RAPGEF5: variants seen among roughly 807,000 people sequenced by gnomAD.
The protein encoded by RAPGEF5 is Rap guanine nucleotide exchange factor 5.
Under a neutral mutation model 125.2 loss-of-function variants are expected in RAPGEF5, and 65 were observed. The observed-to-expected ratio is 0.52, with a 90% CI of 0.43 to 0.64. RAPGEF5 has a LOEUF of 0.64. Among genes scored for constraint, RAPGEF5 ranks in the 30% least tolerant of loss-of-function variants. The pLI is 0.00. For synonymous variants in RAPGEF5, 391 were observed against 385.9 expected, an observed-to-expected ratio of 1.01 and a Z score of -0.16; for missense variants, 958 against 1,048.1, an observed-to-expected ratio of 0.91 and a Z score of 1.19.
chr7:22,293,780 G>A (rs1330471798), intron 5 of RAPGEF5, among the ~76,000 whole-genome samples: 1 of 152,174 alleles, frequency 6.6e-6, no homozygotes, highest in African/African-American at 2.4e-5. Context: ...GCAACAGCGG[G>A]AGAGCCTGAA....
intron 9 of RAPGEF5, among the ~76,000 whole-genome samples, chr7:22,197,050 C>A (rs1785163720): frequency 6.6e-6 from 1 of 152,108 alleles, no homozygotes; most frequent in African/African-American, 2.4e-5. Context: ...AACATGAAGA[C>A]CACTACCAAG....
chr7:22,272,901 C>T lies in RAPGEF5; in HGVS notation c.748-5889G>A, dbSNP rs536841660. Among the ~76,000 whole-genome samples, 30 of 152,162 alleles carry T rather than the reference C, an allele frequency of 2.0e-4. No homozygotes were observed. The East Asian group carries it at 5.2e-3, about 27-fold the overall frequency. On this transcript the variant is annotated intron_variant, in intron 6 of 25. Transcript: ENST00000665637. ...TCTCCTGAGTAGCTGGGACTACAGGCGCCTGCCACCATGCCCAGCTAATTT... is the reference window on the plus strand; with the variant it reads ...TCTCCTGAGTAGCTGGGACTACAGGTGCCTGCCACCATGCCCAGCTAATTT...
At chr7:22,173,239 G>A (rs1274703479) in intron 11 of RAPGEF5, among the ~76,000 whole-genome samples, 2 of 152,130 alleles carry the variant, frequency 1.3e-5, no homozygotes, top group Non-Finnish European at 2.9e-5. Flanking sequence ...TTTTTTTCAT[G>A]TTCAGGTTGG....
intron 5 of RAPGEF5, among the ~76,000 whole-genome samples, chr7:22,297,230 T>C (rs974062286): frequency 5.3e-5 from 8 of 152,080 alleles, no homozygotes; most frequent in African/African-American, 1.7e-4. Context: ...AATGAGATCC[T>C]TGAGTAGGGG....
chr7:22,323,776 T>C (rs994222391), intron 1 of RAPGEF5, among the ~76,000 whole-genome samples: 2 of 152,194 alleles, frequency 1.3e-5, no homozygotes, highest in Non-Finnish European at 1.5e-5. Context: ...TATTGAATTA[T>C]AATTCATAAA....
At chr7:22,327,674 T>TTC (rs1783840197) in intron 1 of RAPGEF5, among the ~76,000 whole-genome samples, 1 of 152,256 alleles carries the variant, frequency 6.6e-6, no homozygotes, top group Non-Finnish European at 1.5e-5. Flanking sequence ...GTTATTTAAC[T>TTC]TCTTTGTCCC....
chr7:22,146,920 T>A lies in RAPGEF5; in HGVS notation c.1984A>T (p.Ser662Cys), dbSNP rs971176747. Residue 662 changes from serine to cysteine, a missense_variant, in exon 19 of 26, where the codon AGT (serine) becomes TGT (cysteine). By Grantham distance (112) the Ser-to-Cys change is moderately radical. Coordinates refer to ENST00000665637, the MANE Select transcript of RAPGEF5 (RefSeq NM_012294.5). Reference protein sequence around the residue: ...LALELMNFDWSLFNSIHEQEL... With the variant: ...LALELMNFDWCLFNSIHEQEL... ...ACCTCGTGAATTGAATTGAATAGAC[T>A]CCAATCAAAATTCATTAATTCCAGA... is the stretch of plus-strand genomic sequence containing the variant. The A allele has an allele frequency of 4.3e-6, 7 of 1,613,496 alleles. No homozygotes were observed. Among genetic ancestry groups the A allele is most frequent in the Non-Finnish European group, 5.9e-6 (7 of 1,179,712 alleles).
At chr7:22,298,517 T>C (rs1783119697) in intron 5 of RAPGEF5, 1 of 152,174 alleles carries the variant, frequency 6.6e-6, no homozygotes. Flanking sequence ...ATGACAGTGC[T>C]GGCCTCATAA....
rs145738525 is a variant in RAPGEF5 at position 22,281,185 on chromosome 7, G to A, written c.747+9990C>T. ...GCCATGGGTCTTCCTATTCTTATCC[G>A]TAATACAAGGGAATTGGAGAAGATG... On this transcript the variant is annotated intron_variant, in intron 6 of 25. Coordinates refer to ENST00000665637, the MANE Select transcript of RAPGEF5 (RefSeq NM_012294.5). 3.9e-3 allele frequency among the ~76,000 whole-genome samples: 586 copies of A among 152,190 alleles called. 2 individuals carry two copies. Among genetic ancestry groups the A allele is most frequent in the Non-Finnish European group, 5.7e-3 (386 of 67,988 alleles).
At chr7:22,246,921 G>A (rs1244417182) in intron 7 of RAPGEF5, among the ~76,000 whole-genome samples, 5 of 151,982 alleles carry the variant, frequency 3.3e-5, no homozygotes, top group Non-Finnish European at 5.9e-5. Flanking sequence ...AGCAAAATAC[G>A]TGAACAGACA....
Position 22,315,275 on chromosome 7 carries a change from G to C in RAPGEF5, c.389+95C>G, listed in dbSNP as rs184254640. 2.8e-6 allele frequency: 4 copies of C among 1,407,562 alleles called. No homozygotes were observed. In the East Asian group the frequency reaches 1.2e-4, roughly 42 times the overall value. 87.2% of individuals were successfully genotyped at this position (1,407,562 alleles called of 1,614,324 possible). A position where few individuals can be genotyped will look rare whatever the true frequency, so the allele number is the denominator to read the frequency against. On this transcript the variant is annotated intron_variant, in intron 3 of 25. Coordinates refer to ENST00000665637, the MANE Select transcript of RAPGEF5 (RefSeq NM_012294.5). ...AACAAACCCTCCTACTACTGATATT[G>C]TCCACCTCTCTTTGATCAAGGTTAC...
intron 11 of RAPGEF5, among the ~76,000 whole-genome samples, chr7:22,168,539 G>GT (rs1472787797): frequency 6.6e-6 from 1 of 152,198 alleles, no homozygotes; most frequent in Non-Finnish European, 1.5e-5. Context: ...ATGATGATGT[G>GT]TAAGTAAAAA....
chr7:22,275,052 T>C (rs1336491319), intron 6 of RAPGEF5, among the ~76,000 whole-genome samples: 1 of 152,104 alleles, frequency 6.6e-6, no homozygotes, highest in African/African-American at 2.4e-5. Context: ...ATGCTCTCTC[T>C]TTGCCCCAGG....
At chr7:22,290,817 T>C (rs971612487) in intron 6 of RAPGEF5, among the ~76,000 whole-genome samples, 2 of 152,102 alleles carry the variant, frequency 1.3e-5, no homozygotes, top group African/African-American at 4.8e-5. Flanking sequence ...CCCGGCCTTT[T>C]TTGGCTGAAG....
chr7:22,289,570 AATT>A (rs1465632087), intron 6 of RAPGEF5, among the ~76,000 whole-genome samples: 1 of 152,272 alleles, frequency 6.6e-6, no homozygotes, highest in Non-Finnish European at 1.5e-5. Context: ...ACAGATGGCT[AATT>A]ATAATTATGC....
chr7:22,346,400 T>C (rs1375791969), intron 1 of RAPGEF5, among the ~76,000 whole-genome samples: 1 of 152,178 alleles, frequency 6.6e-6, no homozygotes, highest in Non-Finnish European at 1.5e-5. Flanking sequence ...AAAAATTTTT[T>C]TGCAGATTTC....
chr7:22,132,373 CCT>C (rs1177568536), intron 23 of RAPGEF5, among the ~76,000 whole-genome samples: 1 of 58,962 alleles, frequency 1.7e-5, no homozygotes. Context: ...CTTTTCCTTT[CCT>C]CTCTTTTTTT....
At chr7:22,347,796 T>C (rs1388832071) in intron 1 of RAPGEF5, among the ~76,000 whole-genome samples, 2 of 152,188 alleles carry the variant, frequency 1.3e-5, no homozygotes, top group African/African-American at 4.8e-5. Context: ...CTAAATGAGT[T>C]ACTGTTCTTA....
At chr7:22,318,965 G>A (rs1240571796) in intron 1 of RAPGEF5, among the ~76,000 whole-genome samples, 1 of 152,136 alleles carries the variant, frequency 6.6e-6, no homozygotes, top group Non-Finnish European at 1.5e-5. Context: ...ACACAATTGT[G>A]CACAAAGATG....
Sources: allele counts gnomAD v4.1 joint callset (sites outside exome capture counted in the v4.1 genomes callset), GRCh38; gene constraint gnomAD v4.1.1; transcripts MANE v1.5; gene names NCBI Gene and HGNC (gene_info 2026-07-23, HGNC 2026-07-21).